Variants in LPCAT2 observed in about 807,000 individuals in gnomAD.
LPCAT2 encodes the protein 1-AGP acyltransferase 11.
LPCAT2 carries 58 observed loss-of-function variants against 64.7 expected under a neutral mutation model. That is an observed-to-expected ratio of 0.90 (90% confidence interval 0.73 to 1.12). The LOEUF is 1.12. Ranked by LOEUF, LPCAT2 falls within the 50% of genes most tolerant of loss-of-function variation. LPCAT2 has a pLI of 0.00. For missense variants in LPCAT2, 579 were observed against 669.8 expected, an observed-to-expected ratio of 0.86 and a Z score of 1.50; for synonymous variants, 252 against 245.3, an observed-to-expected ratio of 1.03 and a Z score of -0.26.
chr16:55,567,463 T>C (rs1386499856), intron 11 of LPCAT2: 1 of 1,613,722 alleles, frequency 6.2e-7, no homozygotes, highest in African/African-American at 1.3e-5. Flanking sequence ...CTGATTCAAG[T>C]GTCTATCAAA....
chr16:55,510,817 T>A (rs1276348250), intron 1 of LPCAT2, among the ~76,000 whole-genome samples: 1 of 152,240 alleles, frequency 6.6e-6, no homozygotes, highest in Non-Finnish European at 1.5e-5. Context: ...AAATTTAGTC[T>A]GATTTAATTA....
chr16:55,559,312 G>T (rs1311630574), intron 11 of LPCAT2, among the ~76,000 whole-genome samples: 1 of 152,204 alleles, frequency 6.6e-6, no homozygotes, highest in East Asian at 1.9e-4. Flanking sequence ...GACAGGAAAA[G>T]TTTGTGTATA....
intron 11 of LPCAT2, among the ~76,000 whole-genome samples, chr16:55,563,623 G>A (rs1963660985): frequency 6.6e-6 from 1 of 151,936 alleles, no homozygotes; most frequent in Admixed American, 6.6e-5. Context: ...CATCTTAACA[G>A]ATGCAGAAAA....
At chr16:55,518,792 A>G (rs1304754349) in intron 1 of LPCAT2, among the ~76,000 whole-genome samples, 1 of 152,216 alleles carries the variant, frequency 6.6e-6, no homozygotes, top group Non-Finnish European at 1.5e-5. Context: ...GCAGATCAAA[A>G]TACTAAATGT....
chr16:55,522,154 G>A (rs1474821940), intron 1 of LPCAT2, among the ~76,000 whole-genome samples: 1 of 151,606 alleles, frequency 6.6e-6, no homozygotes, highest in African/African-American at 2.4e-5. Context: ...CCAGGTCATA[G>A]GATAAAAGAT....
Position 55,537,601 on chromosome 16 carries a change from T to G in LPCAT2, c.821T>G (p.Phe274Cys), listed in dbSNP as rs2142387984. The G allele has an allele frequency of 6.2e-7, 1 of 1,613,532 alleles. No individual in the cohort carries two copies. Among genetic ancestry groups the G allele is most frequent in the East Asian group, 2.2e-5 (1 of 44,842 alleles). ...AGCATTCAGCTTTGTATGCTTACTT[T>G]CTGCCAGCTCTTCACAAAGGTAGAA... ...YTFIQLCMLT[F>C]CQLFTKVEVE... The change falls in exon 8 of 14, where the codon TTC becomes TGC. Residue 274 changes from phenylalanine (F) to cysteine (C), a missense_variant. Coordinates refer to ENST00000262134, the MANE Select transcript of LPCAT2 (RefSeq NM_017839.5).
chr16:55,538,679 CAAAAAAAAAAAAAAAA>C (rs3040226), intron 8 of LPCAT2: 1 of 90,872 alleles, frequency 1.1e-5, no homozygotes, highest in African/African-American at 3.7e-5. Context: ...TCACTGTGGC[CAAAAAAAAAAAAAAAA>C]AAAAAAAAGA....
intron 11 of LPCAT2, among the ~76,000 whole-genome samples, chr16:55,557,601 C>G (rs1220279452): frequency 6.6e-6 from 1 of 152,152 alleles, no homozygotes; most frequent in East Asian, 1.9e-4. Flanking sequence ...CTTTCAGCAG[C>G]TAGAAATTCC....
At position 55,531,845 on chromosome 16, in the gene LPCAT2, T is replaced by C. The variant is rs553498762; in HGVS notation, c.643-69T>C. ...GCATTGGCAGCTGTTTGTGAAGTCA[T>C]AAGAAAGCGAGTAAAGAGGTAATTT... On this transcript the variant is annotated intron_variant, in intron 4 of 13. Transcript: ENST00000262134. 1.5e-5 allele frequency: 15 copies of C among 1,014,192 alleles called. No individual in the cohort carries two copies. In the South Asian group the frequency reaches 1.8e-4, roughly 12 times the overall value. 62.8% of individuals were successfully genotyped at this position (1,014,192 alleles called of 1,614,324 possible).
At chr16:55,517,471 A>G (rs1963029118) in intron 1 of LPCAT2, among the ~76,000 whole-genome samples, 1 of 152,130 alleles carries the variant, frequency 6.6e-6, no homozygotes, top group African/African-American at 2.4e-5. Context: ...AAGAAGATGG[A>G]GCACTCCCCA....
chr16:55,566,577 G>T lies in LPCAT2; in HGVS notation c.1216-8054G>T, dbSNP rs1963698984. ...GCCTTGTAAAATATGGCAGGTGCTA[G>T]GACCTCATGGAACTCAGGTATCTTC... is the stretch of plus-strand genomic sequence containing the variant. On this transcript the variant is annotated intron_variant, in intron 11 of 13. Transcript: ENST00000262134. 7 of 620,410 alleles carry T rather than the reference G, an allele frequency of 1.1e-5. No individual in the cohort carries two copies. In the East Asian group the frequency reaches 1.4e-4, roughly 12 times the overall value. 38.4% of individuals were successfully genotyped at this position (620,410 alleles called of 1,614,324 possible). A position where few individuals can be genotyped will look rare whatever the true frequency, so the allele number is the denominator to read the frequency against.
In LPCAT2 at chr16:55,583,819, A is replaced by AT. The variant is rs1472443289; in HGVS notation, c.*723dup. ...TACCTCAGACTCCCGAGTAGTTGGG[A>AT]TTACAGGTGCCCACCACCACACCCG... On this transcript the variant is annotated 3_prime_UTR_variant, in exon 14 of 14. Coordinates refer to ENST00000262134, the MANE Select transcript of LPCAT2 (RefSeq NM_017839.5). 6.6e-6 allele frequency: 1 copy of AT among 152,164 alleles called. No homozygotes were observed. The highest frequency in any genetic ancestry group is 1.5e-5 in the Non-Finnish European group (1 of 68,094). The allele number at this position is 152,164 out of a possible 1,614,324, so 9.4% of individuals were successfully genotyped here.
At chr16:55,576,879 G>A (rs1198607206) in intron 12 of LPCAT2, among the ~76,000 whole-genome samples, 1 of 152,154 alleles carries the variant, frequency 6.6e-6, no homozygotes, top group Non-Finnish European at 1.5e-5. Context: ...GACACATATA[G>A]AGGAAGTAAA....
chr16:55,537,781 T>C (rs1043100366), intron 8 of LPCAT2, 149 bp downstream of exon 8: 4 of 625,022 alleles, frequency 6.4e-6, no homozygotes, highest in African/African-American at 5.6e-5. Flanking sequence ...ATTTAGCCCT[T>C]GAAATCATGT....
rs57496150 is a variant in LPCAT2 at position 55,509,991 on chromosome 16, C to CTTTTTTTTTTTTTT, written c.171+643_171+656dup. Among the ~76,000 whole-genome samples, 456 of 102,496 alleles carry CTTTTTTTTTTTTTT rather than the reference C, an allele frequency of 4.4e-3. 40 individuals carry two copies. The highest frequency in any genetic ancestry group is 0.016 in the Middle Eastern group (2 of 128). 67.2% of individuals were successfully genotyped at this position (102,496 alleles called of 152,430 possible). A position where few individuals can be genotyped will look rare whatever the true frequency, so the allele number is the denominator to read the frequency against. On this transcript the variant is annotated intron_variant, in intron 1 of 13. Coordinates refer to ENST00000262134, the MANE Select transcript of LPCAT2 (RefSeq NM_017839.5). ...TACGGGAGAGTAGATTTGAAGAAGTCTTTTTTTTTTTTTTTTTGCCTTAGG... is the reference window on the plus strand; with the variant it reads ...TACGGGAGAGTAGATTTGAAGAAGTCTTTTTTTTTTTTTTTTTTTTTTTTTTTTTTTGCCTTAGG...
At chr16:55,566,460 CT>C (rs1241320073) in intron 11 of LPCAT2, among the ~76,000 whole-genome samples, 1 of 152,112 alleles carries the variant, frequency 6.6e-6, no homozygotes, top group Admixed American at 6.6e-5. Context: ...AAAATGCATA[CT>C]TTAATATTTT....
At chr16:55,513,147 G>A (rs1962957413) in intron 1 of LPCAT2, among the ~76,000 whole-genome samples, 1 of 152,154 alleles carries the variant, frequency 6.6e-6, no homozygotes, top group Non-Finnish European at 1.5e-5. Context: ...CAGACCCTAA[G>A]ATGATCAAAT....
chr16:55,552,947 C>A (rs1366696525), intron 11 of LPCAT2, among the ~76,000 whole-genome samples: 1 of 152,158 alleles, frequency 6.6e-6, no homozygotes, highest in African/African-American at 2.4e-5. Context: ...TGAAAGATTT[C>A]TTTGTAGGCT....
intron 1 of LPCAT2, among the ~76,000 whole-genome samples, chr16:55,510,848 A>G (rs1411268375): frequency 6.6e-6 from 1 of 152,238 alleles, no homozygotes; most frequent in Admixed American, 6.5e-5. Flanking sequence ...AAATGAAAAT[A>G]TGCCCATCTA....
Sources: allele counts gnomAD v4.1 joint callset (sites outside exome capture counted in the v4.1 genomes callset), GRCh38; gene constraint gnomAD v4.1.1; transcripts MANE v1.5; gene names NCBI Gene and HGNC (gene_info 2026-07-23, HGNC 2026-07-21).